Variants in CHKB observed in about 807,000 individuals in gnomAD.
CHKB encodes choline/ethanolamine kinase.
Under a neutral mutation model 57.3 loss-of-function variants are expected in CHKB, and 45 were observed. The ratio of observed to expected loss-of-function variants is 0.79; its 90% CI spans 0.62 to 1.01. CHKB has a LOEUF of 1.01. CHKB is among the 50% of genes least tolerant of loss of function. The pLI, the probability that CHKB is intolerant of heterozygous loss-of-function variation, is 0.00. For synonymous variants in CHKB, 224 were observed against 201.8 expected, an observed-to-expected ratio of 1.11 and a Z score of -0.93; for missense variants, 517 against 502.8, an observed-to-expected ratio of 1.03 and a Z score of -0.27.
Position 50,580,074 on chromosome 22 carries a change from T to C in CHKB, c.827A>G (p.Asp276Gly). Residue 276 changes from aspartate (D) to glycine (G), a missense_variant, in exon 8 of 11, where the codon GAC becomes GGC. Coordinates refer to ENST00000406938, the MANE Select transcript of CHKB (RefSeq NM_005198.5). ...CCACTCACAAAAATGGTTCCCAATG[T>C]CAAAGCCCCTGGGAGAATAAGGTGG... ...EYSSYNYRGF[D>G]IGNHFCEWVY... is the part of the protein sequence containing the mutation. 6.2e-7 allele frequency: 1 copy of C among 1,613,950 alleles called. No homozygotes were observed. Among genetic ancestry groups the C allele is most frequent in the Non-Finnish European group, 8.5e-7 (1 of 1,180,002 alleles).
Position 50,580,670 on chromosome 22 carries a change from AAAG to A in CHKB, c.582-13_582-11del, listed in dbSNP as rs766816072. On this transcript the variant is annotated splice_polypyrimidine_tract_variant and intron_variant, in intron 4 of 10. Transcript: ENST00000406938. ...GATCTGTTTTAGGTACCTGAAGCCC[AAAG>A]AATAGGATACACTGGCTCTGCTATT... 681 of 1,613,278 alleles carry A rather than the reference AAAG, an allele frequency of 4.2e-4. 4 individuals carry two copies. The highest frequency in any genetic ancestry group is 1.3e-3 in the South Asian group (118 of 91,052).
At position 50,580,563 on chromosome 22, in the gene CHKB, A is replaced by T; in HGVS notation, c.677+2T>A. Reference sequence around the variant, plus strand: ...CATTAGCCTTGTCCTGCCTGCCCTCACCTGAGGTTGCCCATCTCATCCTTC... The same window carrying T: ...CATTAGCCTTGTCCTGCCTGCCCTCTCCTGAGGTTGCCCATCTCATCCTTC... On this transcript the variant is annotated splice_donor_variant, in intron 5 of 10. Transcript: ENST00000406938. LOFTEE classifies it high-confidence loss of function. The T allele has an allele frequency of 6.2e-7, 1 of 1,613,872 alleles. No homozygotes were observed. Among genetic ancestry groups the T allele is most frequent in the East Asian group, 2.2e-5 (1 of 44,874 alleles).
Position 50,581,826 on chromosome 22 carries a change from C to A in CHKB, c.370G>T (p.Ala124Ser). Residue 124 changes from alanine to serine, a missense_variant, in exon 3 of 11, where the codon GCC (alanine) becomes TCC (serine). Physicochemically the swap from Ala to Ser is moderately conservative, Grantham distance 99 (BLOSUM62 1). Coordinates refer to ENST00000406938, the MANE Select transcript of CHKB (RefSeq NM_005198.5). The part of the protein sequence containing the change: ...DSLVLESVMF[A>S]ILAERSLGPQ... ...CCCAGCGACCGCTCCGCAAGTATGG[C>A]GAACATCACGCTTTCTAGCACCAGG... The A allele has an allele frequency of 6.2e-7, 1 of 1,613,782 alleles. No homozygotes were observed. The highest frequency in any genetic ancestry group is 8.5e-7 in the Non-Finnish European group (1 of 1,180,016).
At chr22:50,581,575 G>T (rs1738680689) in intron 3 of CHKB, 22 bp from the exon 4 acceptor site, 1 of 1,613,792 alleles carries the variant, frequency 6.2e-7, no homozygotes, top group Admixed American at 1.7e-5. Context: ...AAGCTATCAG[G>T]GTGGTGATGG....
intron 10 of CHKB, 26 bp downstream of exon 10, chr22:50,579,400 G>A: frequency 6.2e-7 from 1 of 1,605,984 alleles, no homozygotes; most frequent in Non-Finnish European, 8.5e-7. Flanking sequence ...CCCCCAGCTA[G>A]CATTCCCATC....
At chr22:50,582,414 C>T (rs765651340) in intron 1 of CHKB, 57 bp from the exon 2 acceptor site, 1 of 1,483,314 alleles carries the variant, frequency 6.7e-7, no homozygotes, top group South Asian at 1.3e-5. Flanking sequence ...GCCGCGGCCC[C>T]GGCCCCCTCC....
Position 50,581,546 on chromosome 22 carries a change from G to A in CHKB, c.455C>T (p.Pro152Leu). ...GRLEQYIPSR[P>L]LKTQELREPV... ...CTCTCGAAGCTCTTGAGTTTTCAAT[G>A]GCCGACTCTGCACCCAGGAAGCTAT... Residue 152 changes from proline to leucine, a missense_variant, in exon 4 of 11, where the codon CCA becomes CTA. Transcript: ENST00000406938. 1 of 1,613,924 alleles carries A rather than the reference G, an allele frequency of 6.2e-7. No homozygotes were observed. Among genetic ancestry groups the A allele is most frequent in the African/African-American group, 1.3e-5 (1 of 75,030 alleles).
chr22:50,580,829 G>C, intron 4 of CHKB, 169 bp from the exon 5 acceptor site: 1 of 671,390 alleles, frequency 1.5e-6, no homozygotes. Flanking sequence ...ACCCAGGCTG[G>C]AGTGCAGTGG....
chr22:50,581,917 T>C (rs1286788646), intron 2 of CHKB, 55 bp from the exon 3 acceptor site: 5 of 1,483,062 alleles, frequency 3.4e-6, no homozygotes, highest in African/African-American at 1.4e-5. Context: ...GGGACACACA[T>C]GAGGGCTCGC....
Position 50,580,101 on chromosome 22 carries a change from C to T in CHKB, c.819-19G>A. 6.2e-7 allele frequency: 1 copy of T among 1,613,556 alleles called. No individual in the cohort carries two copies. The highest frequency in any genetic ancestry group is 8.5e-7 in the Non-Finnish European group (1 of 1,179,686). ...AAAGCCCCTGGGAGAATAAGGTGGA[C>T]ATTCAGTCCCCAAATGCCCTGGGCA... On this transcript the variant is annotated intron_variant, in intron 7 of 10. Coordinates refer to ENST00000406938, the MANE Select transcript of CHKB (RefSeq NM_005198.5).
In CHKB at chr22:50,581,898, A is replaced by G. The variant is rs757579942; in HGVS notation, c.334-36T>C. 5.7e-6 allele frequency: 9 copies of G among 1,583,306 alleles called. No individual in the cohort carries two copies. The East Asian group carries it at 2.0e-4, about 35-fold the overall frequency. On this transcript the variant is annotated intron_variant, in intron 2 of 10. Coordinates refer to ENST00000406938, the MANE Select transcript of CHKB (RefSeq NM_005198.5). ...ATGGACAGCAAAGGGGCCAAGGCAA[A>G]GTGGCACAGGGACACACATGAGGGC...
At position 50,579,442 on chromosome 22, in the gene CHKB, A is replaced by G; in HGVS notation, c.1097T>C (p.Ile366Thr). The G allele has an allele frequency of 1.2e-6, 2 of 1,613,426 alleles. No homozygotes were observed. Among genetic ancestry groups the G allele is most frequent in the Non-Finnish European group, 1.7e-6 (2 of 1,179,894 alleles). ...GTCACTTACCAAGTAACCAAATTCT[A>G]TGGTGGACATGGATGCCTGGAGGAT... ...WSILQASMSTIEFGYLDYAQS... is the reference protein window; with the variant it reads ...WSILQASMSTTEFGYLDYAQS... The change falls in exon 10 of 11, where the codon ATA (isoleucine) becomes ACA (threonine). Residue 366 changes from isoleucine to threonine, a missense_variant. Ile to Thr is a moderately conservative substitution (Grantham distance 89, BLOSUM62 -1). Coordinates refer to ENST00000406938, the MANE Select transcript of CHKB (RefSeq NM_005198.5).
In CHKB at chr22:50,581,739, G is replaced by C. The variant is rs771001653; in HGVS notation, c.447+10C>G. On this transcript the variant is annotated intron_variant, in intron 3 of 10. Coordinates refer to ENST00000406938, the MANE Select transcript of CHKB (RefSeq NM_005198.5). ...GCCTTGGGGAGGAGAGGGTAGGACT[G>C]GGCCCGTACTGGGATGTACTGTTCC... The C allele has an allele frequency of 6.2e-7, 1 of 1,612,364 alleles. No individual in the cohort carries two copies. Among genetic ancestry groups the C allele is most frequent in the Non-Finnish European group, 8.5e-7 (1 of 1,178,530 alleles).
Position 50,580,096 on chromosome 22 carries a change from G to A in CHKB, c.819-14C>T. 6.2e-7 allele frequency: 1 copy of A among 1,613,700 alleles called. No individual in the cohort carries two copies. The highest frequency in any genetic ancestry group is 1.7e-4 in the Middle Eastern group (1 of 6,054). ...ATGTCAAAGCCCCTGGGAGAATAAG[G>A]TGGACATTCAGTCCCCAAATGCCCT... On this transcript the variant is annotated splice_polypyrimidine_tract_variant and intron_variant, in intron 7 of 10. Transcript: ENST00000406938.
In CHKB at chr22:50,579,260, G is replaced by A. The variant is rs1388573243; in HGVS notation, c.1114-5C>T. On this transcript the variant is annotated splice_polypyrimidine_tract_variant and splice_region_variant and intron_variant, in intron 10 of 10. Transcript: ENST00000406938. Reference sequence around the variant, plus strand: ...GAACCGAGACTGGGCATAGTCCTAGGGAAGGAAACCCACCCCACACAGTGG... The same window carrying A: ...GAACCGAGACTGGGCATAGTCCTAGAGAAGGAAACCCACCCCACACAGTGG... The A allele has an allele frequency of 4.3e-6, 7 of 1,613,464 alleles. No homozygotes were observed. The highest frequency in any genetic ancestry group is 5.9e-6 in the Non-Finnish European group (7 of 1,179,736).
chr22:50,581,968 G>T, intron 2 of CHKB, 106 bp from the exon 3 acceptor site: 1 of 973,052 alleles, frequency 1.0e-6, no homozygotes, highest in Non-Finnish European at 1.7e-6. Flanking sequence ...CCAATTGCCT[G>T]GAGGCTCTGG....
At chr22:50,580,314 G>A (rs1337540583) in intron 6 of CHKB, 43 bp from the exon 7 acceptor site, 4 of 1,613,836 alleles carry the variant, frequency 2.5e-6, no homozygotes, top group Non-Finnish European at 2.5e-6. Context: ...AGAGCCCTCT[G>A]GCTCTTCCAT....
At chr22:50,579,572 AC>A in intron 9 of CHKB, 65 bp from the exon 10 acceptor site, 1 of 1,587,288 alleles carries the variant, frequency 6.3e-7, no homozygotes, top group Non-Finnish European at 8.6e-7. Context: ...GGATCCCCTC[AC>A]CCAGGTTGGC....
intron 2 of CHKB, 49 bp from the exon 3 acceptor site, chr22:50,581,911 C>T (rs375735904): frequency 1.2e-5 from 19 of 1,521,092 alleles, no homozygotes; most frequent in Non-Finnish European, 1.6e-5. Flanking sequence ...GGCACAGGGA[C>T]ACACATGAGG....
Sources: allele counts gnomAD v4.1 joint callset, GRCh38; gene constraint gnomAD v4.1.1; transcripts MANE v1.5; gene names NCBI Gene and HGNC (gene_info 2026-07-23, HGNC 2026-07-21).